Variants in WDR20 observed in about 807,000 individuals in gnomAD.
The protein encoded by WDR20 is WD repeat domain 20.
Under a neutral mutation model 38.7 loss-of-function variants are expected in WDR20, and 3 were observed. That is an observed-to-expected ratio of 0.08 (90% confidence interval 0.04 to 0.20). The LOEUF is 0.20. Among genes scored for constraint, WDR20 ranks in the 10% least tolerant of loss-of-function variants. The pLI, the probability that WDR20 is intolerant of heterozygous loss-of-function variation, is 1.00. For synonymous variants in WDR20, 298 were observed against 285.6 expected (o/e 1.04, Z -0.44); for missense variants, 559 against 727.7 (o/e 0.77, Z 2.67).
At chr14:102,204,468 C>T (rs1567043584) in intron 2 of WDR20, among the ~76,000 whole-genome samples, 1 of 152,220 alleles carries the variant, frequency 6.6e-6, no homozygotes, top group Non-Finnish European at 1.5e-5. Context: ...ATAAATTTCA[C>T]TGTCTTCTCA....
downstream of WDR20, chr14:102,214,728 C>G: frequency 1.0e-6 from 1 of 980,172 alleles, no homozygotes; most frequent in Non-Finnish European, 1.2e-6. Context: ...CATCCAATTT[C>G]TTGACAACTT....
In WDR20 at chr14:102,208,551, A is replaced by C. The variant is rs1167321238; in HGVS notation, c.433-52A>C. ...ACACAAGTTTTCTTGCTGGAAAAGT[A>C]GACCTTTGAGACTTCTCCGTTGTGC... On this transcript the variant is annotated intron_variant, in intron 2 of 2. Coordinates refer to ENST00000342702, the MANE Select transcript of WDR20 (RefSeq NM_144574.4). This position sits in a 1 kb window ranked among gnomAD's most constrained non-coding sequence, Gnocchi z 5.6. The C allele has an allele frequency of 1.3e-6, 2 of 1,526,424 alleles. No individual in the cohort carries two copies. Among genetic ancestry groups the C allele is most frequent in the African/African-American group, 2.8e-5 (2 of 72,266 alleles). The allele number at this position is 1,526,424 out of a possible 1,614,324, so 94.6% of individuals were successfully genotyped here. A position where few individuals can be genotyped will look rare whatever the true frequency, so the allele number is the denominator to read the frequency against.
At chr14:102,183,793 A>G (rs550105643) in intron 1 of WDR20, among the ~76,000 whole-genome samples, 152 of 152,300 alleles carry the variant, frequency 1.0e-3, no homozygotes, top group Non-Finnish European at 1.8e-3. Flanking sequence ...AAAATCATTT[A>G]TGTGCTCTGC....
In WDR20 at chr14:102,139,941, A is replaced by C. The variant is rs750843842; in HGVS notation, c.18A>C (p.Gly6=). 2.4e-5 allele frequency: 38 copies of C among 1,613,058 alleles called. No individual in the cohort carries two copies. Among genetic ancestry groups the C allele is most frequent in the Non-Finnish European group, 3.1e-5 (36 of 1,179,206 alleles). ...TTTCCAAGATGGCGACGGAGGGAGGAGGGAAGGAGATGAACGAGATTAAGA... is the reference window on the plus strand; with the variant it reads ...TTTCCAAGATGGCGACGGAGGGAGGCGGGAAGGAGATGAACGAGATTAAGA... MATEG[G]GKEMNEIKTQ... is the part of the protein sequence containing the mutation. Residue 6 remains glycine, a synonymous_variant, in exon 1 of 3, where the codon GGA becomes GGC. Coordinates refer to ENST00000342702, the MANE Select transcript of WDR20 (RefSeq NM_144574.4).
chr14:102,176,381 C>T (rs1280575573), intron 1 of WDR20, among the ~76,000 whole-genome samples: 5 of 147,734 alleles, frequency 3.4e-5, no homozygotes, highest in African/African-American at 1.0e-4. Context: ...GGCGACAGAG[C>T]GAGACTCCAT....
At chr14:102,200,155 C>T (rs1057457970) in intron 2 of WDR20, among the ~76,000 whole-genome samples, 2 of 152,236 alleles carry the variant, frequency 1.3e-5, no homozygotes, top group East Asian at 1.9e-4. Context: ...CAAAGAAAGT[C>T]GAATGCCCAG....
intron 1 of WDR20, among the ~76,000 whole-genome samples, chr14:102,156,636 A>T (rs61992513): frequency 4.8e-4 from 73 of 151,892 alleles, no homozygotes; most frequent in Admixed American, 1.1e-3. Context: ...GGCCTCCCAG[A>T]GTCCTGGGAT....
intron 1 of WDR20, among the ~76,000 whole-genome samples, chr14:102,167,841 G>C (rs1040657125): frequency 6.6e-6 from 1 of 152,192 alleles, no homozygotes; most frequent in African/African-American, 2.4e-5. Flanking sequence ...TATTCTGCAT[G>C]CTAGCTCAGT....
chr14:102,153,572 C>T (rs2056637332), intron 1 of WDR20, among the ~76,000 whole-genome samples: 1 of 152,080 alleles, frequency 6.6e-6, no homozygotes, highest in African/African-American at 2.4e-5. Context: ...TCCAAAAGTG[C>T]TGGGATTACA....
chr14:102,165,640 T>C (rs1216164419), intron 1 of WDR20, among the ~76,000 whole-genome samples: 3 of 147,370 alleles, frequency 2.0e-5, no homozygotes, highest in Non-Finnish European at 4.5e-5. Context: ...TCTTTTCTTT[T>C]TTTTTTTTTT....
Position 102,209,316 on chromosome 14 carries a change from C to T in WDR20, c.1146C>T (p.Asp382=), listed in dbSNP as rs780005254. The change falls in exon 3 of 3, where the codon GAC becomes GAT. Residue 382 remains aspartate (D), a synonymous_variant. Coordinates refer to ENST00000342702, the MANE Select transcript of WDR20 (RefSeq NM_144574.4). The surrounding 1 kb of genome is among the most constrained non-coding windows in gnomAD (Gnocchi z 6.0). ...AGGACACACAGCTCTGTTTATGGGA[C>T]CTTACAGAAGATATCCTTTTCCCTC... The part of the protein sequence containing the change: ...VGQDTQLCLW[D]LTEDILFPHQ... 3.7e-6 allele frequency: 6 copies of T among 1,614,014 alleles called. No homozygotes were observed. In the South Asian group the frequency reaches 6.6e-5, roughly 18 times the overall value.
At chr14:102,181,695 G>A (rs2063417738) in intron 1 of WDR20, among the ~76,000 whole-genome samples, 2 of 152,048 alleles carry the variant, frequency 1.3e-5, no homozygotes, top group African/African-American at 4.8e-5. Context: ...GCTAGTAGTT[G>A]CAAAATTTTA....
intron 1 of WDR20, among the ~76,000 whole-genome samples, chr14:102,178,056 T>C (rs1250772101): frequency 6.6e-6 from 1 of 152,164 alleles, no homozygotes; most frequent in Non-Finnish European, 1.5e-5. Context: ...AGTTTGTATC[T>C]TTTGTAGGGT....
At chr14:102,155,195 C>T (rs1376710106) in intron 1 of WDR20, among the ~76,000 whole-genome samples, 1 of 152,146 alleles carries the variant, frequency 6.6e-6, no homozygotes, top group Non-Finnish European at 1.5e-5. Flanking sequence ...GAATATCTGT[C>T]CTGCCTACTT....
At chr14:102,184,043 C>T (rs1235618532) in intron 1 of WDR20, among the ~76,000 whole-genome samples, 2 of 152,046 alleles carry the variant, frequency 1.3e-5, no homozygotes, top group Admixed American at 6.6e-5. Context: ...ACTGGTATTC[C>T]CTTTAGAATG....
intron 1 of WDR20, among the ~76,000 whole-genome samples, chr14:102,142,698 C>G (rs986500076): frequency 2.0e-5 from 3 of 151,636 alleles, no homozygotes; most frequent in Admixed American, 1.3e-4. Flanking sequence ...TCAAGCGATC[C>G]TCCCACCTCA....
Position 102,208,516 on chromosome 14 carries a change from A to G in WDR20, c.433-87A>G, listed in dbSNP as rs1288650537. ...GGCCTGGATAGACTTGCCCCTTCCC[A>G]TCGAGAAGCACACAAGTTTTCTTGC... On this transcript the variant is annotated intron_variant, in intron 2 of 2. Transcript: ENST00000342702. This position sits in a 1 kb window ranked among gnomAD's most constrained non-coding sequence, Gnocchi z 5.6. 2.0e-6 allele frequency: 3 copies of G among 1,491,026 alleles called. No individual in the cohort carries two copies. Among genetic ancestry groups the G allele is most frequent in the East Asian group, 2.3e-5 (1 of 43,424 alleles). The allele number at this position is 1,491,026 out of a possible 1,614,324, so 92.4% of individuals were successfully genotyped here. A position where few individuals can be genotyped will look rare whatever the true frequency, so the allele number is the denominator to read the frequency against.
chr14:102,214,784 T>C, downstream of WDR20: 1 of 978,972 alleles, frequency 1.0e-6, no homozygotes, highest in Non-Finnish European at 1.2e-6. Flanking sequence ...TATTGGTAAA[T>C]TAAATTCTTT....
downstream of WDR20, chr14:102,213,120 C>G: frequency 3.0e-6 from 3 of 986,178 alleles, no homozygotes; most frequent in Non-Finnish European, 2.4e-6. Context: ...CTTGGGTTGG[C>G]CTTTTTCACC....
Sources: gnomAD v4.1 joint callset for allele counts (sites outside exome capture counted in the v4.1 genomes callset) on GRCh38, gnomAD v4.1.1 for gene constraint, Gnocchi (gnomAD v3.1) non-coding constraint, MANE v1.5 for transcripts, NCBI Gene and HGNC (gene_info 2026-07-23, HGNC 2026-07-21) for gene names.